Variants in CNTNAP2 observed in about 807,000 individuals in gnomAD.
CNTNAP2 encodes the protein contactin-associated protein-like 2.
In CNTNAP2, 98 loss-of-function variants were observed where a neutral mutation model predicts 155.2. The observed-to-expected ratio is 0.63, with a 90% CI of 0.54 to 0.75. The LOEUF is 0.75. CNTNAP2 is among the 30% of genes least tolerant of loss of function. The pLI, the probability that CNTNAP2 is intolerant of heterozygous loss-of-function variation, is 0.00. For missense variants in CNTNAP2, 1,727 were observed against 1,688.1 expected (o/e 1.02, Z -0.40); for synonymous variants, 651 against 631.2 (o/e 1.03, Z -0.47).
At chr7:147,565,528 G>T (rs1800154137) in intron 12 of CNTNAP2, among the ~76,000 whole-genome samples, 1 of 152,160 alleles carries the variant, frequency 6.6e-6, no homozygotes, top group Non-Finnish European at 1.5e-5. Flanking sequence ...AGCTATTATT[G>T]CAAAAGTCCA....
At chr7:148,200,559 T>C (rs894475022) in intron 18 of CNTNAP2, among the ~76,000 whole-genome samples, 1 of 152,114 alleles carries the variant, frequency 6.6e-6, no homozygotes, top group Admixed American at 6.5e-5. Flanking sequence ...CAGGCCTGGC[T>C]TTCACATTAT....
chr7:146,815,767 T>G (rs1803155730), intron 2 of CNTNAP2, among the ~76,000 whole-genome samples: 1 of 152,100 alleles, frequency 6.6e-6, no homozygotes, highest in African/African-American at 2.4e-5. Flanking sequence ...AGAGCACTTT[T>G]TTTTTATTAT....
At chr7:146,222,213 A>G (rs577248833) in intron 1 of CNTNAP2, among the ~76,000 whole-genome samples, 1 of 152,326 alleles carries the variant, frequency 6.6e-6, no homozygotes, top group East Asian at 1.9e-4. Context: ...CTGGGGATAC[A>G]ATACAGGTGA....
At chr7:146,147,147 T>G (rs1453910307) in intron 1 of CNTNAP2, among the ~76,000 whole-genome samples, 1 of 152,194 alleles carries the variant, frequency 6.6e-6, no homozygotes, top group Non-Finnish European at 1.5e-5. Context: ...GAATTCTTCT[T>G]TGCTTGAATT....
rs369989506 is a variant in CNTNAP2, at chr7:146,630,449, T to C, written c.98-143822T>C. On this transcript the variant is annotated intron_variant, in intron 1 of 23. Coordinates refer to ENST00000361727, the MANE Select transcript of CNTNAP2 (RefSeq NM_014141.6). ...AATAGCGCTGTGATAAACATGTGTGTGCATGTGTCTTTATAGTAGAATGAT... is the reference window on the plus strand; with the variant it reads ...AATAGCGCTGTGATAAACATGTGTGCGCATGTGTCTTTATAGTAGAATGAT... 6.5e-3 allele frequency among the ~76,000 whole-genome samples: 990 copies of C among 152,180 alleles called. 8 individuals are homozygous for C. The highest frequency in any genetic ancestry group is 0.023 in the African/African-American group (946 of 41,516).
chr7:146,747,841 T>C (rs1365164838), intron 1 of CNTNAP2, among the ~76,000 whole-genome samples: 1 of 152,188 alleles, frequency 6.6e-6, no homozygotes, highest in Non-Finnish European at 1.5e-5. Flanking sequence ...TCTTAGTTTT[T>C]TAAATTTAGA....
chr7:147,639,989 G>C (rs1350724108), intron 13 of CNTNAP2, among the ~76,000 whole-genome samples: 1 of 152,130 alleles, frequency 6.6e-6, no homozygotes, highest in East Asian at 1.9e-4. Context: ...TCAGAAAACT[G>C]CATCTCTGTG....
chr7:148,071,959 C>T (rs1057438735), intron 15 of CNTNAP2, among the ~76,000 whole-genome samples: 3 of 152,192 alleles, frequency 2.0e-5, no homozygotes, highest in Non-Finnish European at 4.4e-5. Context: ...ACTGACCCTG[C>T]GCTTCGTAGC....
chr7:148,000,221 G>C (rs1801872797), intron 15 of CNTNAP2, among the ~76,000 whole-genome samples: 1 of 152,258 alleles, frequency 6.6e-6, no homozygotes, highest in African/African-American at 2.4e-5. Context: ...GAGAGAAAGG[G>C]TTCTCCTCTC....
intron 1 of CNTNAP2, among the ~76,000 whole-genome samples, chr7:146,423,902 C>T (rs1206073587): frequency 6.6e-6 from 1 of 152,094 alleles, no homozygotes; most frequent in Non-Finnish European, 1.5e-5. Context: ...TGAAATGTAT[C>T]ACGTTACTCA....
intron 4 of CNTNAP2, among the ~76,000 whole-genome samples, chr7:147,070,143 C>G (rs11979139): frequency 6.6e-6 from 1 of 152,028 alleles, no homozygotes; most frequent in Non-Finnish European, 1.5e-5. Flanking sequence ...CAGTACTATG[C>G]TTTTTACATA....
chr7:146,785,087 C>G (rs1464317537), intron 2 of CNTNAP2, among the ~76,000 whole-genome samples: 2 of 151,666 alleles, frequency 1.3e-5, no homozygotes, highest in African/African-American at 4.8e-5. Context: ...CCTCCCATCT[C>G]AGCCTCCTGA....
intron 3 of CNTNAP2, among the ~76,000 whole-genome samples, chr7:147,038,635 G>C (rs1799203373): frequency 1.3e-5 from 2 of 152,188 alleles, no homozygotes; most frequent in East Asian, 3.9e-4. Context: ...GCGTGCATTG[G>C]AGATCCCAAG....
chr7:146,279,820 T>A lies in CNTNAP2; in HGVS notation c.97+162847T>A, dbSNP rs544877651. Among the ~76,000 whole-genome samples the A allele has an allele frequency of 2.0e-3, 308 of 151,812 alleles. 3 individuals are homozygous for A. Among genetic ancestry groups the A allele is most frequent in the African/African-American group, 7.0e-3 (289 of 41,494 alleles). On this transcript the variant is annotated intron_variant, in intron 1 of 23. Coordinates refer to ENST00000361727, the MANE Select transcript of CNTNAP2 (RefSeq NM_014141.6). ...AATATGCATAATAATTTTTAAAACA[T>A]GCTTAAGGAATCAATCAATAATTAT...
At chr7:146,481,465 G>A (rs964797166) in intron 1 of CNTNAP2, among the ~76,000 whole-genome samples, 9 of 152,058 alleles carry the variant, frequency 5.9e-5, no homozygotes, top group African/African-American at 1.4e-4. Flanking sequence ...CATCTACTGC[G>A]CAGTGTTTTT....
At chr7:148,201,059 C>T (rs763468648) in intron 18 of CNTNAP2, among the ~76,000 whole-genome samples, 1 of 152,192 alleles carries the variant, frequency 6.6e-6, no homozygotes, top group Non-Finnish European at 1.5e-5. Context: ...CATCATCTCC[C>T]TAATGAATCT....
intron 1 of CNTNAP2, among the ~76,000 whole-genome samples, chr7:146,118,312 G>A (rs1330636851): frequency 1.3e-5 from 2 of 151,984 alleles, no homozygotes; most frequent in African/African-American, 4.8e-5. Flanking sequence ...ACATTGTATA[G>A]CATTTTTTAT....
At chr7:146,504,309 G>C (rs1259205646) in intron 1 of CNTNAP2, among the ~76,000 whole-genome samples, 1 of 152,202 alleles carries the variant, frequency 6.6e-6, no homozygotes, top group Non-Finnish European at 1.5e-5. Context: ...GCATAGGCCA[G>C]AGCCCAGAGA....
chr7:147,964,655 G>A (rs529893712), intron 14 of CNTNAP2, among the ~76,000 whole-genome samples: 1 of 152,270 alleles, frequency 6.6e-6, no homozygotes, highest in South Asian at 2.1e-4. Flanking sequence ...AATAGGTGTA[G>A]GCTCCTTACT....
Sources: gnomAD v4.1 joint callset for allele counts (sites outside exome capture counted in the v4.1 genomes callset) on GRCh38, gnomAD v4.1.1 for gene constraint, MANE v1.5 for transcripts, NCBI Gene and HGNC (gene_info 2026-07-23, HGNC 2026-07-21) for gene names.